The following ATP8A2 variants were observed in gnomAD, a reference collection of about 807,000 sequenced individuals.
ATP8A2 encodes ATPase phospholipid transporting 8A2, also known as phospholipid-transporting ATPase IB.
ATP8A2 carries 100 observed loss-of-function variants against 165.6 expected under a neutral mutation model. That is an observed-to-expected ratio of 0.60 (90% confidence interval 0.51 to 0.71). The LOEUF is 0.71. Ranked by LOEUF, ATP8A2 falls within the 30% of genes least tolerant of loss-of-function variation. The pLI is 0.00. For missense variants in ATP8A2, 1,227 were observed against 1,479.5 expected (o/e 0.83, Z 2.80); for synonymous variants, 543 against 548.8 (o/e 0.99, Z 0.15).
chr13:25,988,652 T>G (rs1956319975), intron 35 of ATP8A2, among the ~76,000 whole-genome samples: 2 of 152,196 alleles, frequency 1.3e-5, no homozygotes, highest in Non-Finnish European at 2.9e-5. Context: ...GCTAATTCAT[T>G]CACCCCTTTG....
At chr13:25,513,211 G>A (rs1440024221) in intron 2 of ATP8A2, among the ~76,000 whole-genome samples, 3 of 151,678 alleles carry the variant, frequency 2.0e-5, no homozygotes, top group South Asian at 2.1e-4. Flanking sequence ...CGGTGCGGTT[G>A]CCAGGTGGAG....
intron 24 of ATP8A2, among the ~76,000 whole-genome samples, chr13:25,656,790 C>G (rs187549973): frequency 1.7e-4 from 26 of 149,226 alleles, no homozygotes; most frequent in African/African-American, 5.7e-4. Flanking sequence ...TGGTGGCTCA[C>G]ACCTGTAATT....
intron 33 of ATP8A2, among the ~76,000 whole-genome samples, chr13:25,883,270 A>G (rs1462722200): frequency 6.6e-6 from 1 of 152,048 alleles, no homozygotes; most frequent in Non-Finnish European, 1.5e-5. Context: ...AAAAATACAA[A>G]TTAGCTGGGC....
chr13:25,893,037 A>G (rs1953426093), intron 33 of ATP8A2, among the ~76,000 whole-genome samples: 1 of 151,820 alleles, frequency 6.6e-6, no homozygotes, highest in Non-Finnish European at 1.5e-5. Flanking sequence ...TTTTTCTTTT[A>G]GAAAATTTTC....
intron 24 of ATP8A2, among the ~76,000 whole-genome samples, chr13:25,609,562 G>GGTTC (rs1565976934): frequency 2.4e-4 from 35 of 145,712 alleles, no homozygotes; most frequent in Non-Finnish European, 3.9e-4. Flanking sequence ...TATATATTTG[G>GGTTC]ATTCAAATAT....
chr13:25,969,740 A>T (rs2139212454), intron 35 of ATP8A2, among the ~76,000 whole-genome samples: 1 of 152,376 alleles, frequency 6.6e-6, no homozygotes, highest in Non-Finnish European at 1.5e-5. Flanking sequence ...TAGTAAGTTT[A>T]TTAAGCATTC....
intron 25 of ATP8A2, among the ~76,000 whole-genome samples, chr13:25,746,998 T>C (rs972084748): frequency 1.3e-5 from 2 of 152,236 alleles, no homozygotes; most frequent in East Asian, 1.9e-4. Context: ...ATGGTCGTTC[T>C]GTCCTGCGAG....
At chr13:25,591,036 GCT>G (rs2040059330) in intron 24 of ATP8A2, among the ~76,000 whole-genome samples, 1 of 151,918 alleles carries the variant, frequency 6.6e-6, no homozygotes, top group South Asian at 2.1e-4. Context: ...ATTCTCACAT[GCT>G]CTGAGGAAAT....
chr13:25,381,820 C>G (rs1048271062), intron 1 of ATP8A2, among the ~76,000 whole-genome samples: 8 of 152,124 alleles, frequency 5.3e-5, no homozygotes, highest in Admixed American at 5.2e-4. Flanking sequence ...TGAGACCACC[C>G]GCCAGGCTCT....
chr13:25,669,959 C>T (rs1261118231), intron 24 of ATP8A2, among the ~76,000 whole-genome samples: 1 of 152,178 alleles, frequency 6.6e-6, no homozygotes, highest in East Asian at 1.9e-4. Context: ...TCCCTGATAC[C>T]AGCAAGCCAC....
intron 35 of ATP8A2, among the ~76,000 whole-genome samples, chr13:25,994,760 G>A (rs553954071): frequency 6.6e-6 from 1 of 152,058 alleles, no homozygotes; most frequent in Admixed American, 6.5e-5. Flanking sequence ...CTTGTTATAT[G>A]TTGATGAATT....
chr13:25,600,461 T>G (rs545379934), intron 24 of ATP8A2, among the ~76,000 whole-genome samples: 2 of 152,154 alleles, frequency 1.3e-5, no homozygotes, highest in Non-Finnish European at 2.9e-5. Context: ...ATTTCAAGTG[T>G]AAAGATTTAA....
intron 2 of ATP8A2, among the ~76,000 whole-genome samples, chr13:25,517,600 C>T (rs1447341390): frequency 1.3e-5 from 2 of 152,152 alleles, no homozygotes; most frequent in East Asian, 3.9e-4. Flanking sequence ...ATTGATTGGT[C>T]AGCAGTCGAC....
At chr13:26,019,030 T>C (rs532217807) in intron 36 of ATP8A2, among the ~76,000 whole-genome samples, 1 of 152,310 alleles carries the variant, frequency 6.6e-6, no homozygotes, top group South Asian at 2.1e-4. Flanking sequence ...TTTGAGTTTA[T>C]TGTGTAACCT....
chr13:25,429,865 C>T (rs1361960876), intron 1 of ATP8A2, among the ~76,000 whole-genome samples: 2 of 152,096 alleles, frequency 1.3e-5, no homozygotes, highest in African/African-American at 2.4e-5. Flanking sequence ...GGGAGGTGGC[C>T]TGGGCAGGAG....
intron 25 of ATP8A2, among the ~76,000 whole-genome samples, chr13:25,754,991 G>T (rs1475375241): frequency 6.6e-6 from 1 of 152,100 alleles, no homozygotes; most frequent in African/African-American, 2.4e-5. Flanking sequence ...TTGCTGATTT[G>T]TTTTTTGGGT....
rs1593619818 is a variant in ATP8A2 at position 25,953,983 on chromosome 13, C to T, written c.3184-7592C>T. Among the ~76,000 whole-genome samples, 1 of 151,992 alleles carries T rather than the reference C, an allele frequency of 6.6e-6. No individual in the cohort carries two copies. Among genetic ancestry groups the T allele is most frequent in the African/African-American group, 2.4e-5 (1 of 41,454 alleles). ...GTTTTTTTTTTTCATACCCCAGTGG[C>T]ACCTGGAATGCCAGCAAGACAGAAC... On this transcript the variant is annotated intron_variant, in intron 33 of 36. Coordinates refer to ENST00000381655, the MANE Select transcript of ATP8A2 (RefSeq NM_016529.6). This position sits in a 1 kb window ranked among gnomAD's most constrained non-coding sequence, Gnocchi z 6.7.
intron 33 of ATP8A2, among the ~76,000 whole-genome samples, chr13:25,887,625 A>G (rs1023432208): frequency 1.1e-4 from 16 of 152,186 alleles, no homozygotes; most frequent in African/African-American, 3.4e-4. Flanking sequence ...CGTGAGCCAC[A>G]GCGCCAGGCC....
chr13:25,857,208 T>A (rs76051014), intron 30 of ATP8A2, among the ~76,000 whole-genome samples: 1 of 152,192 alleles, frequency 6.6e-6, no homozygotes, highest in African/African-American at 2.4e-5. Flanking sequence ...ATTCAGACTC[T>A]GCACAGTTTC....
Sources: allele counts gnomAD v4.1 joint callset (sites outside exome capture counted in the v4.1 genomes callset), GRCh38; gene constraint gnomAD v4.1.1; non-coding constraint Gnocchi (gnomAD v3.1); transcripts MANE v1.5; gene names NCBI Gene and HGNC (gene_info 2026-07-23, HGNC 2026-07-21).